The following DOCK1 variants were observed in gnomAD, a reference collection of about 807,000 sequenced individuals.
DOCK1 encodes dedicator of cytokinesis protein 1.
A neutral mutation model predicts 262.7 loss-of-function variants in DOCK1; 138 were observed. That is an observed-to-expected ratio of 0.53 (90% CI 0.46 to 0.61). The LOEUF is 0.61. Among genes scored for constraint, DOCK1 ranks in the 20% least tolerant of loss-of-function variants. DOCK1 has a pLI of 0.00. For missense variants in DOCK1, 1,908 were observed against 2,370.7 expected (o/e 0.80, Z 4.05); for synonymous variants, 866 against 867.4 (o/e 1.00, Z 0.03).
In DOCK1 at chr10:127,080,879, C is replaced by G. The variant is rs577185651; in HGVS notation, c.2445+19103C>G. Among the ~76,000 whole-genome samples the G allele has an allele frequency of 8.5e-5, 13 of 152,310 alleles. No individual in the cohort carries two copies. In the South Asian group the frequency reaches 1.2e-3, roughly 15 times the overall value. On this transcript the variant is annotated intron_variant, in intron 23 of 51. Coordinates refer to ENST00000623213, the MANE Select transcript of DOCK1 (RefSeq NM_001290223.2). The stretch of plus-strand genomic sequence containing the variant: ...AATTTGCCTCTGTACTCTCCGCCCC[C>G]CAGTGTGTAGTCGTTAGCTCATAAT...
At chr10:127,025,308 T>C (rs899706024) in intron 15 of DOCK1, 3 of 152,348 alleles carry the variant, frequency 2.0e-5, no homozygotes, top group African/African-American at 7.2e-5. Context: ...CAATTTTTGC[T>C]TAGAGGCAGC....
chr10:127,228,238 G>A (rs2058712904), intron 27 of DOCK1, among the ~76,000 whole-genome samples: 1 of 152,152 alleles, frequency 6.6e-6, no homozygotes. Flanking sequence ...GGTAGAGTGA[G>A]AAGGGTTAAA....
chr10:126,977,708 G>A (rs1008252229), intron 2 of DOCK1, among the ~76,000 whole-genome samples: 2 of 152,138 alleles, frequency 1.3e-5, no homozygotes, highest in Non-Finnish European at 2.9e-5. Context: ...ATGAGATGAC[G>A]GAGGTGAAGG....
At chr10:127,130,896 A>G (rs2050284149) in intron 27 of DOCK1, among the ~76,000 whole-genome samples, 1 of 152,126 alleles carries the variant, frequency 6.6e-6, no homozygotes, top group Non-Finnish European at 1.5e-5. Context: ...CATCGAAAGG[A>G]CTGAGCTGCT....
chr10:127,201,496 G>A (rs1355802454), intron 27 of DOCK1, among the ~76,000 whole-genome samples: 1 of 152,208 alleles, frequency 6.6e-6, no homozygotes, highest in Non-Finnish European at 1.5e-5. Context: ...AGCATCGTGA[G>A]GACTCGTTGA....
At chr10:127,019,622 C>T (rs1364750241) in intron 13 of DOCK1, among the ~76,000 whole-genome samples, 1 of 152,108 alleles carries the variant, frequency 6.6e-6, no homozygotes, top group African/African-American at 2.4e-5. Flanking sequence ...GTGGCATATG[C>T]CTGTCATTCT....
intron 29 of DOCK1, among the ~76,000 whole-genome samples, chr10:127,261,293 G>A (rs1229624902): frequency 1.9e-5 from 2 of 105,620 alleles, no homozygotes; most frequent in African/African-American, 7.6e-5. Flanking sequence ...GTGTGTGCAT[G>A]TGGGTGTGTG....
intron 21 of DOCK1, among the ~76,000 whole-genome samples, chr10:127,047,363 C>T (rs894436342): frequency 5.9e-5 from 9 of 152,038 alleles, no homozygotes; most frequent in Admixed American, 1.3e-4. Context: ...ATAGTGCAGA[C>T]GATAAAAGTT....
At chr10:127,432,704 C>T (rs899019028) in intron 47 of DOCK1, among the ~76,000 whole-genome samples, 6 of 152,250 alleles carry the variant, frequency 3.9e-5, no homozygotes, top group African/African-American at 1.4e-4. Context: ...CAATGCATCA[C>T]TAGTTCACTA....
chr10:127,426,825 G>T lies in DOCK1; in HGVS notation c.4914+814G>T, dbSNP rs548241843. On this transcript the variant is annotated intron_variant, in intron 47 of 51. Coordinates refer to ENST00000623213, the MANE Select transcript of DOCK1 (RefSeq NM_001290223.2). The stretch of plus-strand genomic sequence containing the variant: ...CAATGAGTTTATGGAAGGTTTCTGA[G>T]CAAAGGCTGGCATCAGGAGCAGGGT... Among the ~76,000 whole-genome samples the T allele has an allele frequency of 3.7e-4, 57 of 152,330 alleles. 2 individuals are homozygous for T. In the South Asian group the frequency reaches 0.012, roughly 32 times the overall value.
chr10:127,262,726 C>A (rs779085056), intron 29 of DOCK1, among the ~76,000 whole-genome samples: 3 of 152,212 alleles, frequency 2.0e-5, no homozygotes, highest in Non-Finnish European at 4.4e-5. Flanking sequence ...CATTCCCATT[C>A]TTTGTGAGGC....
chr10:127,412,333 T>A (rs975712698), intron 43 of DOCK1, among the ~76,000 whole-genome samples: 3 of 152,208 alleles, frequency 2.0e-5, no homozygotes, highest in African/African-American at 7.2e-5. Flanking sequence ...TTATTTATTT[T>A]TTTATATAGA....
At chr10:127,205,582 A>G (rs1234265680) in intron 27 of DOCK1, among the ~76,000 whole-genome samples, 4 of 152,246 alleles carry the variant, frequency 2.6e-5, no homozygotes, top group Non-Finnish European at 5.9e-5. Context: ...TGGCTTTACG[A>G]AGAAATGTTC....
chr10:127,155,717 A>G (rs1328296971), intron 27 of DOCK1, among the ~76,000 whole-genome samples: 13 of 152,082 alleles, frequency 8.5e-5, no homozygotes, highest in Admixed American at 8.5e-4. Context: ...CTTCCACATG[A>G]TGACATCACC....
chr10:127,415,351 A>C (rs552140892), intron 44 of DOCK1, 113 bp downstream of exon 44: 1 of 983,456 alleles, frequency 1.0e-6, no homozygotes, highest in South Asian at 1.6e-5. Context: ...TGCACACAGC[A>C]GACTCTACAG....
chr10:127,211,695 T>TA (rs2057983138), intron 27 of DOCK1, among the ~76,000 whole-genome samples: 1 of 152,184 alleles, frequency 6.6e-6, no homozygotes, highest in African/African-American at 2.4e-5. Context: ...TTTCTAAACA[T>TA]ACTGAAAATA....
At chr10:127,355,673 G>A (rs73384665) in intron 32 of DOCK1, among the ~76,000 whole-genome samples, 2 of 152,186 alleles carry the variant, frequency 1.3e-5, no homozygotes, top group Admixed American at 6.5e-5. Context: ...GGAGGCAGGG[G>A]TCTGTCCGCA....
chr10:127,112,258 C>T (rs1362626520), intron 25 of DOCK1, among the ~76,000 whole-genome samples: 3 of 152,158 alleles, frequency 2.0e-5, no homozygotes, highest in Non-Finnish European at 4.4e-5. Context: ...ATGATCCACC[C>T]GCCTCGGCCT....
At chr10:127,222,404 G>A (rs1290652411) in intron 27 of DOCK1, among the ~76,000 whole-genome samples, 3 of 152,170 alleles carry the variant, frequency 2.0e-5, no homozygotes, top group African/African-American at 7.2e-5. Flanking sequence ...AACTACAGAA[G>A]TTTCAGCATA....
Sources: allele counts gnomAD v4.1 joint callset (sites outside exome capture counted in the v4.1 genomes callset), GRCh38; gene constraint gnomAD v4.1.1; transcripts MANE v1.5; gene names NCBI Gene and HGNC (gene_info 2026-07-23, HGNC 2026-07-21).